Variants in RIMBP2 observed in about 807,000 individuals in gnomAD.
The protein encoded by RIMBP2 is RIMS binding protein 2.
A neutral mutation model predicts 118.6 loss-of-function variants in RIMBP2; 48 were observed. The observed-to-expected ratio is 0.40, with a 90% CI of 0.32 to 0.51. RIMBP2 has a LOEUF of 0.51. Among genes scored for constraint, RIMBP2 ranks in the 20% least tolerant of loss-of-function variants. The pLI is 0.41. For synonymous variants in RIMBP2, 762 were observed against 742.9 expected, an observed-to-expected ratio of 1.03 and a Z score of -0.42; for missense variants, 1,551 against 1,768.3, an observed-to-expected ratio of 0.88 and a Z score of 2.20.
At chr12:130,702,547 A>AAGGAAGGAAG (rs2065904638) in intron 1 of RIMBP2, among the ~76,000 whole-genome samples, 1 of 141,856 alleles carries the variant, frequency 7.0e-6, no homozygotes, top group African/African-American at 2.7e-5. Flanking sequence ...AAAACAAGAA[A>AAGGAAGGAAG]GAAGGAAGGA....
chr12:130,699,803 G>A (rs1372685948), intron 1 of RIMBP2, among the ~76,000 whole-genome samples: 2 of 151,054 alleles, frequency 1.3e-5, no homozygotes, highest in Non-Finnish European at 2.9e-5. Context: ...CTACTCGGGA[G>A]GCTGAGGCAG....
intron 1 of RIMBP2, among the ~76,000 whole-genome samples, chr12:130,662,411 A>G (rs965054700): frequency 6.6e-6 from 1 of 152,076 alleles, no homozygotes; most frequent in Non-Finnish European, 1.5e-5. Context: ...TAATCCTAGC[A>G]CTTTTGGAGG....
chr12:130,447,186 G>A lies in RIMBP2; in HGVS notation c.582-1917C>T, dbSNP rs2078599499. Among the ~76,000 whole-genome samples the A allele has an allele frequency of 6.6e-6, 1 of 152,058 alleles. No individual in the cohort carries two copies. The highest frequency in any genetic ancestry group is 1.5e-5 in the Non-Finnish European group (1 of 67,996). ...GAAGCTTCCCCAGGGAGCAGGTAGGGAAGACACACCCTGAGAGCTTGAGAG... is the reference window on the plus strand; with the variant it reads ...GAAGCTTCCCCAGGGAGCAGGTAGGAAAGACACACCCTGAGAGCTTGAGAG... On this transcript the variant is annotated intron_variant, in intron 9 of 22. Transcript: ENST00000690449. This position sits in a 1 kb window ranked among gnomAD's most constrained non-coding sequence, Gnocchi z 4.4.
intron 5 of RIMBP2, among the ~76,000 whole-genome samples, chr12:130,473,540 C>T (rs373302589): frequency 3.9e-5 from 6 of 152,208 alleles, no homozygotes; most frequent in South Asian, 4.1e-4. Flanking sequence ...TCCAGGCCCC[C>T]GGCGACTGTG....
intron 3 of RIMBP2, among the ~76,000 whole-genome samples, chr12:130,515,859 A>G (rs11613896): frequency 0.052 from 7,848 of 151,966 alleles, 271 homozygotes; most frequent in South Asian, 0.16. Context: ...CACCACACCT[A>G]GCTAATTTTT....
intron 1 of RIMBP2, among the ~76,000 whole-genome samples, chr12:130,690,329 G>C (rs2065256711): frequency 6.6e-6 from 1 of 152,138 alleles, no homozygotes; most frequent in Non-Finnish European, 1.5e-5. Flanking sequence ...AATCTTGCTG[G>C]GCACTGCTAG....
chr12:130,470,911 A>G (rs528404228), intron 5 of RIMBP2, among the ~76,000 whole-genome samples, 168 bp from the exon 6 acceptor site: 1 of 152,332 alleles, frequency 6.6e-6, no homozygotes, highest in African/African-American at 2.4e-5. Context: ...TGAGTTTCAG[A>G]AATACATGTG....
At chr12:130,407,583 T>A in intron 20 of RIMBP2, 143 bp downstream of exon 20, 1 of 755,196 alleles carries the variant, frequency 1.3e-6, no homozygotes, top group Non-Finnish European at 2.4e-6. Context: ...GTATCAGCCA[T>A]CCCTCGGATC....
intron 2 of RIMBP2, among the ~76,000 whole-genome samples, chr12:130,577,779 A>C (rs545213018): frequency 6.6e-6 from 1 of 152,274 alleles, no homozygotes; most frequent in Admixed American, 6.5e-5. Flanking sequence ...CGGGAAGCTG[A>C]CATCCCTCCA....
At chr12:130,583,333 G>A (rs542803949) in intron 2 of RIMBP2, among the ~76,000 whole-genome samples, 3 of 152,136 alleles carry the variant, frequency 2.0e-5, no homozygotes, top group East Asian at 3.9e-4. Context: ...AAAGGCCCCT[G>A]GCACCTAATA....
intron 3 of RIMBP2, among the ~76,000 whole-genome samples, chr12:130,516,141 C>T (rs1464821944): frequency 1.3e-5 from 2 of 152,202 alleles, no homozygotes; most frequent in Non-Finnish European, 2.9e-5. Context: ...TTCCAGTTTC[C>T]CTACATCCTC....
chr12:130,707,823 C>T (rs78630433), intron 1 of RIMBP2, among the ~76,000 whole-genome samples: 1,851 of 151,948 alleles, frequency 0.012, 45 homozygotes, highest in African/African-American at 0.042. Flanking sequence ...GGGAAAGTGG[C>T]GGATATTAGT....
chr12:130,661,924 T>C (rs966027085), intron 1 of RIMBP2, among the ~76,000 whole-genome samples: 2 of 152,210 alleles, frequency 1.3e-5, no homozygotes, highest in Non-Finnish European at 2.9e-5. Flanking sequence ...CCCTCTTCTC[T>C]GCACTATTTC....
chr12:130,601,335 CAAAAAAAAAAAAAAA>C (rs35127958), intron 2 of RIMBP2, among the ~76,000 whole-genome samples: 4 of 63,080 alleles, frequency 6.3e-5, no homozygotes, highest in African/African-American at 1.5e-4. Context: ...AGAGGGCAGG[CAAAAAAAAAAAAAAA>C]AAAAAAAAAA....
At chr12:130,640,603 GC>G (rs2062572324) in intron 1 of RIMBP2, among the ~76,000 whole-genome samples, 1 of 152,220 alleles carries the variant, frequency 6.6e-6, no homozygotes, top group Admixed American at 6.5e-5. Context: ...CTTCGAAAGA[GC>G]CCGTGAGGTA....
chr12:130,642,856 T>C (rs976902441), intron 1 of RIMBP2, among the ~76,000 whole-genome samples: 1 of 152,228 alleles, frequency 6.6e-6, no homozygotes, highest in African/African-American at 2.4e-5. Context: ...AGGCTGGCTC[T>C]GAACGGGTCA....
intron 2 of RIMBP2, among the ~76,000 whole-genome samples, chr12:130,563,473 A>G (rs767436554): frequency 5.3e-5 from 8 of 152,250 alleles, no homozygotes; most frequent in African/African-American, 1.4e-4. Flanking sequence ...ATTCTTCTAC[A>G]ATTATTAAGC....
At chr12:130,452,064 C>T (rs1407080111) in intron 7 of RIMBP2, among the ~76,000 whole-genome samples, 2 of 152,182 alleles carry the variant, frequency 1.3e-5, no homozygotes, top group African/African-American at 2.4e-5. Context: ...ACGTGACTAA[C>T]GCTGGCCTGG....
chr12:130,515,803 T>G (rs533350373), intron 3 of RIMBP2, among the ~76,000 whole-genome samples: 1 of 152,254 alleles, frequency 6.6e-6, no homozygotes, highest in Non-Finnish European at 1.5e-5. Context: ...GTTCAAGCGA[T>G]TCTCCTGCCT....
Sources: gnomAD v4.1 joint callset for allele counts (sites outside exome capture counted in the v4.1 genomes callset) on GRCh38, gnomAD v4.1.1 for gene constraint, Gnocchi (gnomAD v3.1) non-coding constraint, MANE v1.5 for transcripts, NCBI Gene and HGNC (gene_info 2026-07-23, HGNC 2026-07-21) for gene names.